The following CSNK2A2IP variants were observed in gnomAD, a reference collection of about 807,000 sequenced individuals.
CSNK2A2IP encodes casein kinase II subunit alpha'-interacting protein.
chr3:88,387,208 C>T, the CSNK2A2IP span, among the ~76,000 whole-genome samples: 3 of 143,664 alleles, frequency 2.1e-5, no homozygotes, highest in Non-Finnish European at 4.5e-5. Context: ...TGTCACCAGG[C>T]TGGAGTGCAG....
chr3:88,445,825 C>T, the CSNK2A2IP span, among the ~76,000 whole-genome samples: 1 of 152,110 alleles, frequency 6.6e-6, no homozygotes, highest in Non-Finnish European at 1.5e-5. Flanking sequence ...TAGCAAGACA[C>T]TGTGCTACTT....
At chr3:88,435,907 CATTATATATATAATG>C in the CSNK2A2IP span, among the ~76,000 whole-genome samples, 1 of 95,470 alleles carries the variant, frequency 1.0e-5, no homozygotes. Context: ...ATTATGTGTG[CATTATATATATAATG>C]CACATTATGT....
At chr3:88,353,279 C>G in the CSNK2A2IP span, among the ~76,000 whole-genome samples, 4 of 152,074 alleles carry the variant, frequency 2.6e-5, no homozygotes, top group Non-Finnish European at 4.4e-5. Flanking sequence ...TAAAACTGTG[C>G]AAGTCACAGA....
the CSNK2A2IP span, among the ~76,000 whole-genome samples, chr3:88,440,101 G>T: frequency 2.0e-5 from 3 of 151,994 alleles, no homozygotes; most frequent in Admixed American, 1.3e-4. Flanking sequence ...ATTTCTTCTG[G>T]CTCTAAAATT....
chr3:88,392,566 G>A, the CSNK2A2IP span, among the ~76,000 whole-genome samples: 2 of 152,194 alleles, frequency 1.3e-5, no homozygotes, highest in Non-Finnish European at 1.5e-5. Context: ...CCAAAAAGGA[G>A]GAAGCAGCCA....
the CSNK2A2IP span, among the ~76,000 whole-genome samples, chr3:88,384,692 C>T: frequency 2.0e-5 from 3 of 151,960 alleles, no homozygotes; most frequent in Non-Finnish European, 2.9e-5. Flanking sequence ...AGAAAATGGC[C>T]TAGAGTGAGA....
the CSNK2A2IP span, among the ~76,000 whole-genome samples, chr3:88,359,582 C>T: frequency 6.6e-6 from 1 of 151,958 alleles, no homozygotes; most frequent in Non-Finnish European, 1.5e-5. Flanking sequence ...TCATTTGTTT[C>T]AGTAAATGTT....
the CSNK2A2IP span, among the ~76,000 whole-genome samples, chr3:88,396,543 C>G: frequency 6.6e-6 from 1 of 152,272 alleles, no homozygotes; most frequent in Admixed American, 6.5e-5. Flanking sequence ...GAGTGAAGCA[C>G]ATTCTATCCA....
the CSNK2A2IP span, among the ~76,000 whole-genome samples, chr3:88,381,762 A>C: frequency 1.3e-5 from 2 of 152,198 alleles, no homozygotes; most frequent in African/African-American, 4.8e-5. Context: ...CAGGTGTGAG[A>C]TTCCTATAAG....
the CSNK2A2IP span, among the ~76,000 whole-genome samples, chr3:88,370,937 G>A: frequency 0.046 from 6,968 of 151,742 alleles, 332 homozygotes; most frequent in African/African-American, 0.12. Context: ...GAAAAGGCCA[G>A]GTGAGAACAT....
At chr3:88,358,925 C>T in the CSNK2A2IP span, among the ~76,000 whole-genome samples, 4 of 150,080 alleles carry the variant, frequency 2.7e-5, no homozygotes, top group African/African-American at 9.8e-5. Context: ...CCACTTTAAA[C>T]GTTGGTAGAA....
At chr3:88,339,320 A>T in the CSNK2A2IP span, among the ~76,000 whole-genome samples, 1 of 151,824 alleles carries the variant, frequency 6.6e-6, no homozygotes, top group Non-Finnish European at 1.5e-5. Context: ...TGCCTGACTA[A>T]TTTCACTTAA....
At chr3:88,405,392 A>C in the CSNK2A2IP span, among the ~76,000 whole-genome samples, 2 of 152,152 alleles carry the variant, frequency 1.3e-5, no homozygotes, top group Non-Finnish European at 2.9e-5. Flanking sequence ...GATGTTTGCT[A>C]CAGGAGATCA....
At chr3:88,465,267 A>G in the CSNK2A2IP span, 4 of 732,138 alleles carry the variant, frequency 5.5e-6, no homozygotes, top group South Asian at 7.3e-5. Flanking sequence ...AAAAGTATCC[A>G]TTTTCCATGG....
chr3:88,384,978 G>A, the CSNK2A2IP span, among the ~76,000 whole-genome samples: 1 of 152,258 alleles, frequency 6.6e-6, no homozygotes, highest in Non-Finnish European at 1.5e-5. Flanking sequence ...ATATGTTGGA[G>A]GAAACTAACC....
At chr3:88,369,936 C>T in the CSNK2A2IP span, among the ~76,000 whole-genome samples, 6 of 151,960 alleles carry the variant, frequency 3.9e-5, no homozygotes, top group South Asian at 1.2e-3. Context: ...TGGCAGACTC[C>T]TAAACAAAAC....
At chr3:88,420,737 GT>G in the CSNK2A2IP span, among the ~76,000 whole-genome samples, 1,029 of 152,184 alleles carry the variant, frequency 6.8e-3, 10 homozygotes, top group African/African-American at 0.023. Context: ...GGGAATGTAT[GT>G]TATTTGGTTT....
chr3:88,430,855 A>G, the CSNK2A2IP span, among the ~76,000 whole-genome samples: 84 of 152,228 alleles, frequency 5.5e-4, no homozygotes, highest in Non-Finnish European at 1.2e-3. Context: ...AAATGGTGAC[A>G]TTGCAGATCT....
chr3:88,362,334 C>A, the CSNK2A2IP span, among the ~76,000 whole-genome samples: 2 of 152,170 alleles, frequency 1.3e-5, no homozygotes, highest in African/African-American at 4.8e-5. Flanking sequence ...GTGATCTAAA[C>A]CCAGCAATGC....
Sources: allele counts gnomAD v4.1 joint callset (sites outside exome capture counted in the v4.1 genomes callset), GRCh38; gene constraint gnomAD v4.1.1; transcripts MANE v1.5; gene names NCBI Gene and HGNC (gene_info 2026-07-23, HGNC 2026-07-21).